Variants in TBC1D10A observed in about 807,000 individuals in gnomAD.
TBC1D10A encodes the protein EBP50-PDX interactor of 64 kDa.
In TBC1D10A, 24 loss-of-function variants were observed where a neutral mutation model predicts 52.9. That is an observed-to-expected ratio of 0.45 (90% CI 0.33 to 0.64). The LOEUF is 0.64. TBC1D10A is among the 30% of genes least tolerant of loss of function. The pLI is 0.02. For synonymous variants in TBC1D10A, 278 were observed against 282.9 expected (o/e 0.98, Z 0.17); for missense variants, 602 against 687.9 (o/e 0.88, Z 1.40).
chr22:30,306,890 A>G (rs191691916), intron 1 of TBC1D10A, among the ~76,000 whole-genome samples: 15 of 152,060 alleles, frequency 9.9e-5, no homozygotes, highest in Admixed American at 8.5e-4. Context: ...CAGGCTATCT[A>G]TTTTTTTTGT....
chr22:30,313,601 C>A (rs1314381793), intron 1 of TBC1D10A, among the ~76,000 whole-genome samples: 1 of 120,176 alleles, frequency 8.3e-6, no homozygotes, highest in Non-Finnish European at 1.6e-5. Flanking sequence ...CGGGGTTTCA[C>A]CATGTTGGCC....
intron 2 of TBC1D10A, among the ~76,000 whole-genome samples, chr22:30,303,040 G>A (rs1372884065): frequency 6.6e-6 from 1 of 152,228 alleles, no homozygotes; most frequent in Middle Eastern, 3.2e-3. Flanking sequence ...CAGCACTTTG[G>A]GAGGCCAACG....
At chr22:30,323,957 C>A (rs1007879254) in intron 1 of TBC1D10A, among the ~76,000 whole-genome samples, 5 of 117,706 alleles carry the variant, frequency 4.2e-5, no homozygotes, top group East Asian at 5.4e-4. Context: ...GGTGACAGAG[C>A]GAGACTCCGT....
chr22:30,306,890 AT>A (rs202013243), intron 1 of TBC1D10A, among the ~76,000 whole-genome samples: 1 of 151,942 alleles, frequency 6.6e-6, no homozygotes, highest in Non-Finnish European at 1.5e-5. Flanking sequence ...CAGGCTATCT[AT>A]TTTTTTTGTT....
chr22:30,321,086 A>T (rs1930643026), intron 1 of TBC1D10A, among the ~76,000 whole-genome samples: 1 of 152,240 alleles, frequency 6.6e-6, no homozygotes, highest in South Asian at 2.1e-4. Flanking sequence ...CCCACAGCTT[A>T]GAGTTTCCCA....
chr22:30,323,164 C>T (rs1307260622), intron 1 of TBC1D10A, among the ~76,000 whole-genome samples: 1 of 152,176 alleles, frequency 6.6e-6, no homozygotes, highest in African/African-American at 2.4e-5. Context: ...CTCAGCCTCC[C>T]AAAGTGCTGG....
chr22:30,295,741 G>A lies in TBC1D10A; in HGVS notation c.520C>T (p.His174Tyr), dbSNP rs1013918623. The change falls in exon 4 of 9, where the codon CAC becomes TAC. Residue 174 changes from histidine (H) to tyrosine (Y), a missense_variant. By Grantham distance (83) the His-to-Tyr change is moderately conservative (BLOSUM62 2). Transcript: ENST00000215790. ...FHEMFVSRGG[H>Y]GQQDLFRVLK... is the part of the protein sequence containing the mutation. ...CATGAGGCCCAGCCTGCTCACCCGT[G>A]GCCCCCCCGGGACACAAACATCTCA... The A allele has an allele frequency of 3.7e-6, 6 of 1,613,824 alleles. No individual in the cohort carries two copies.
At chr22:30,305,156 C>T (rs1426816136) in intron 1 of TBC1D10A, among the ~76,000 whole-genome samples, 1 of 152,226 alleles carries the variant, frequency 6.6e-6, no homozygotes, top group Non-Finnish European at 1.5e-5. Flanking sequence ...TGCTGGAATG[C>T]TTCCCAAATC....
In TBC1D10A at chr22:30,294,784, G is replaced by C; in HGVS notation, c.705+12C>G. 1.9e-6 allele frequency: 3 copies of C among 1,614,100 alleles called. No homozygotes were observed. The highest frequency in any genetic ancestry group is 2.5e-6 in the Non-Finnish European group (3 of 1,180,026). ...CCAGCCCAGGGCAAGTCCCAGGCCA[G>C]GCGACACTCACCAGTTTCTCGCTGT... On this transcript the variant is annotated intron_variant, in intron 6 of 8. Transcript: ENST00000215790.
chr22:30,306,426 C>T (rs1162257525), intron 1 of TBC1D10A, among the ~76,000 whole-genome samples: 2 of 152,198 alleles, frequency 1.3e-5, no homozygotes, highest in South Asian at 2.1e-4. Context: ...ACTGCAGATA[C>T]ACAGAGGAAC....
Position 30,304,630 on chromosome 22 carries a change from C to A in TBC1D10A, c.210G>T (p.Ala70=). The A allele has an allele frequency of 6.2e-7, 1 of 1,613,904 alleles. No homozygotes were observed. The highest frequency in any genetic ancestry group is 8.5e-7 in the Non-Finnish European group (1 of 1,179,894). Residue 70 remains alanine, a splice_region_variant and synonymous_variant, in exon 2 of 9, where the codon GCG becomes GCT. Coordinates refer to ENST00000215790, the MANE Select transcript of TBC1D10A (RefSeq NM_031937.3). ...GCACCTCCAGGGGTACTTCCTCCAGCCTGTGGAGCAGAGGGCAGGGCCTGT... is the reference window on the plus strand; with the variant it reads ...GCACCTCCAGGGGTACTTCCTCCAGACTGTGGAGCAGAGGGCAGGGCCTGT... ...FIVGSQGAEG[A]LEEVPLEVLR...
At position 30,295,763 on chromosome 22, in the gene TBC1D10A, C is replaced by T; in HGVS notation, c.498G>A (p.Glu166=). The T allele has an allele frequency of 6.2e-7, 1 of 1,614,078 alleles. No individual in the cohort carries two copies. Among genetic ancestry groups the T allele is most frequent in the Admixed American group, 1.7e-5 (1 of 60,026 alleles). Residue 166 remains glutamate (E), a synonymous_variant, in exon 4 of 9, where the codon GAG becomes GAA. Transcript: ENST00000215790. Reference sequence around the variant, plus strand: ...CGTGGCCCCCCCGGGACACAAACATCTCATGGAATGGGAACTGCCGGTGCA... The same window carrying T: ...CGTGGCCCCCCCGGGACACAAACATTTCATGGAATGGGAACTGCCGGTGCA... ...RDLHRQFPFH[E]MFVSRGGHGQ...
rs561380363 is a variant in TBC1D10A at position 30,306,427 on chromosome 22, A to T, written c.210-1797T>A. On this transcript the variant is annotated intron_variant, in intron 1 of 8. Transcript: ENST00000215790. ...TGCCCATTCTCCCAACTGCAGATAC[A>T]CAGAGGAACATGTTAAATTCAGAGT... Among the ~76,000 whole-genome samples, 4 of 152,346 alleles carry T rather than the reference A, an allele frequency of 2.6e-5. No homozygotes were observed. In the South Asian group the frequency reaches 8.3e-4, roughly 32 times the overall value.
At chr22:30,311,594 C>G (rs1930426998) in intron 1 of TBC1D10A, among the ~76,000 whole-genome samples, 1 of 152,234 alleles carries the variant, frequency 6.6e-6, no homozygotes. Context: ...TCTCTCCACC[C>G]TTCACTGGCC....
intron 8 of TBC1D10A, chr22:30,293,332 T>G (rs1929993743): frequency 3.2e-6 from 2 of 630,218 alleles, no homozygotes; most frequent in Non-Finnish European, 6.1e-6. Flanking sequence ...GAGAGACAAG[T>G]ATCCATAAAG....
intron 1 of TBC1D10A, among the ~76,000 whole-genome samples, chr22:30,322,276 C>T (rs983242180): frequency 9.2e-5 from 14 of 152,088 alleles, no homozygotes; most frequent in Non-Finnish European, 1.9e-4. Context: ...CCACTGCACC[C>T]GGCCCTTCCT....
At chr22:30,324,689 C>T (rs1334533792) in intron 1 of TBC1D10A, among the ~76,000 whole-genome samples, 1 of 152,166 alleles carries the variant, frequency 6.6e-6, no homozygotes, top group East Asian at 1.9e-4. Flanking sequence ...TTTTCTGGGC[C>T]GCTACTTGTG....
chr22:30,318,967 A>G (rs1930594806), intron 1 of TBC1D10A: 1 of 317,972 alleles, frequency 3.1e-6, no homozygotes, highest in African/African-American at 2.2e-5. Context: ...ATTCAAGGCT[A>G]GACTGAGACT....
intron 1 of TBC1D10A, among the ~76,000 whole-genome samples, chr22:30,315,658 A>G (rs963748761): frequency 6.6e-6 from 1 of 152,160 alleles, no homozygotes; most frequent in Non-Finnish European, 1.5e-5. Context: ...TTCTGGACTC[A>G]CAGTGTCCAA....
Sources: gnomAD v4.1 joint callset for allele counts (sites outside exome capture counted in the v4.1 genomes callset) on GRCh38, gnomAD v4.1.1 for gene constraint, MANE v1.5 for transcripts, NCBI Gene and HGNC (gene_info 2026-07-23, HGNC 2026-07-21) for gene names.